CADM1: variants seen among roughly 807,000 people sequenced by gnomAD.
The protein encoded by CADM1 is cell adhesion molecule 1, also known as TSLC-1.
A neutral mutation model predicts 53.1 loss-of-function variants in CADM1; 15 were observed. The ratio of observed to expected loss-of-function variants is 0.28; its 90% CI spans 0.19 to 0.44. The LOEUF (loss-of-function observed/expected upper bound fraction) is 0.44, where lower values mean the gene tolerates loss of function less well. Among genes scored for constraint, CADM1 ranks in the 20% least tolerant of loss-of-function variants. The probability of loss-of-function intolerance (pLI) is 1.00; values close to 1 mark genes in which losing one functional copy is unlikely to be tolerated. For missense variants in CADM1, 434 were observed against 611.3 expected, an observed-to-expected ratio of 0.71 and a Z score of 3.06; for synonymous variants, 281 against 243.0, an observed-to-expected ratio of 1.16 and a Z score of -1.45.
At chr11:115,228,805 C>G (rs1941709683) in intron 5 of CADM1, among the ~76,000 whole-genome samples, 1 of 152,006 alleles carries the variant, frequency 6.6e-6, no homozygotes, top group Admixed American at 6.6e-5. Context: ...GGGAAAATTA[C>G]CCTAGATTTT....
At chr11:115,268,532 T>TA (rs1670215174) in intron 1 of CADM1, among the ~76,000 whole-genome samples, 8 of 152,136 alleles carry the variant, frequency 5.3e-5, no homozygotes, top group African/African-American at 1.7e-4. Flanking sequence ...CTGTGCTCAA[T>TA]AAAAAAAGCC....
intron 1 of CADM1, among the ~76,000 whole-genome samples, chr11:115,324,908 A>G (rs1944921358): frequency 6.6e-6 from 1 of 152,270 alleles, no homozygotes; most frequent in South Asian, 2.1e-4. Flanking sequence ...GGTATTGGCA[A>G]GCTCTAGATT....
At chr11:115,319,525 G>A (rs1039320479) in intron 1 of CADM1, among the ~76,000 whole-genome samples, 4 of 152,102 alleles carry the variant, frequency 2.6e-5, no homozygotes, top group African/African-American at 9.7e-5. Context: ...TTTGCAGGTA[G>A]AATTATATTC....
chr11:115,268,810 G>C (rs1188058365), intron 1 of CADM1, among the ~76,000 whole-genome samples: 1 of 152,168 alleles, frequency 6.6e-6, no homozygotes, highest in African/African-American at 2.4e-5. Flanking sequence ...CAGTGATAAG[G>C]TTGGGCATTC....
intron 1 of CADM1, among the ~76,000 whole-genome samples, chr11:115,348,195 C>T (rs896992990): frequency 2.6e-5 from 4 of 152,158 alleles, no homozygotes; most frequent in African/African-American, 7.2e-5. Flanking sequence ...AAGCCACACA[C>T]ATGGGTTACT....
At chr11:115,486,255 C>T (rs1195198904) in intron 1 of CADM1, among the ~76,000 whole-genome samples, 1 of 152,216 alleles carries the variant, frequency 6.6e-6, no homozygotes, top group Non-Finnish European at 1.5e-5. Flanking sequence ...AATTTCTTAT[C>T]ATTGCAGGAT....
chr11:115,217,749 C>T (rs776051937), intron 6 of CADM1, 143 bp downstream of exon 6: 35 of 706,472 alleles, frequency 5.0e-5, no homozygotes, highest in Non-Finnish European at 7.9e-5. Context: ...TCCACTCTCA[C>T]TGAATATTCT....
chr11:115,235,614 C>T (rs926962190), intron 3 of CADM1, among the ~76,000 whole-genome samples: 31 of 152,268 alleles, frequency 2.0e-4, no homozygotes, highest in African/African-American at 7.2e-4. Context: ...AACATTACGC[C>T]TACAACATTT....
chr11:115,208,570 G>A (rs922475135), intron 8 of CADM1, among the ~76,000 whole-genome samples: 2 of 152,134 alleles, frequency 1.3e-5, no homozygotes, highest in African/African-American at 2.4e-5. Context: ...CAGGGCACAC[G>A]GTTCAGATAC....
intron 1 of CADM1, among the ~76,000 whole-genome samples, chr11:115,252,060 T>A (rs980117053): frequency 1.3e-5 from 2 of 152,116 alleles, no homozygotes; most frequent in Non-Finnish European, 2.9e-5. Context: ...GAGAAGAACA[T>A]TACCTATGAC....
At chr11:115,222,198 C>A (rs1053241681) in intron 5 of CADM1, among the ~76,000 whole-genome samples, 3 of 152,064 alleles carry the variant, frequency 2.0e-5, no homozygotes, top group Non-Finnish European at 4.4e-5. Flanking sequence ...CTGGGTCAGC[C>A]CCTGTGCATT....
chr11:115,290,998 C>T (rs1943883663), intron 1 of CADM1, among the ~76,000 whole-genome samples: 1 of 152,178 alleles, frequency 6.6e-6, no homozygotes, highest in Admixed American at 6.5e-5. Flanking sequence ...CTCTATACTG[C>T]TCCCCACTCC....
intron 1 of CADM1, among the ~76,000 whole-genome samples, chr11:115,308,293 AAC>A (rs1038850217): frequency 6.6e-6 from 1 of 151,350 alleles, no homozygotes; most frequent in Admixed American, 6.6e-5. Context: ...TCTGGAGCAA[AAC>A]ACTCCACTGT....
In CADM1 at chr11:115,198,888, G is replaced by A. The variant is rs796580744; in HGVS notation, c.1079-450C>T. Among the ~76,000 whole-genome samples the A allele has an allele frequency of 1.2e-4, 18 of 152,238 alleles. 1 individual carries two copies. Among genetic ancestry groups the A allele is most frequent in the African/African-American group, 4.3e-4 (18 of 41,536 alleles). ...CCTTTGTTTTAACCCAACCCACCCG[G>A]GCACTTGGGCTTCTTGACTGCCAAT... On this transcript the variant is annotated intron_variant, in intron 8 of 11. Coordinates refer to ENST00000331581, the MANE Select transcript of CADM1 (RefSeq NM_001301043.2).
rs1948048542 is a variant in CADM1 at position 115,431,457 on chromosome 11, C to T, written c.124+72814G>A. Among the ~76,000 whole-genome samples, 3 of 152,144 alleles carry T rather than the reference C, an allele frequency of 2.0e-5. No individual in the cohort carries two copies. In the South Asian group the frequency reaches 6.2e-4, roughly 32 times the overall value. On this transcript the variant is annotated intron_variant, in intron 1 of 11. Coordinates refer to ENST00000331581, the MANE Select transcript of CADM1 (RefSeq NM_001301043.2). ...TTGTACCTGTCTGCAGCCACTCAAGCCCCTCTACAAGGTAACCACAGTGAT... is the reference window on the plus strand; with the variant it reads ...TTGTACCTGTCTGCAGCCACTCAAGTCCCTCTACAAGGTAACCACAGTGAT...
At chr11:115,332,369 G>C (rs1378167326) in intron 1 of CADM1, among the ~76,000 whole-genome samples, 4 of 152,174 alleles carry the variant, frequency 2.6e-5, no homozygotes. Context: ...GGTGTGGCAT[G>C]TGTGTGCACA....
chr11:115,268,413 A>G (rs946683998), intron 1 of CADM1, among the ~76,000 whole-genome samples: 5 of 152,240 alleles, frequency 3.3e-5, no homozygotes, highest in Admixed American at 2.0e-4. Flanking sequence ...GAAAAAACCA[A>G]TCCTCACCAC....
chr11:115,242,174 C>A (rs974850600), intron 1 of CADM1, among the ~76,000 whole-genome samples: 2 of 151,804 alleles, frequency 1.3e-5, no homozygotes, highest in African/African-American at 2.4e-5. Flanking sequence ...CAAAATGAAA[C>A]CCAACCTCGA....
At chr11:115,263,889 G>A (rs572529308) in intron 1 of CADM1, among the ~76,000 whole-genome samples, 1 of 152,270 alleles carries the variant, frequency 6.6e-6, no homozygotes, top group East Asian at 1.9e-4. Context: ...TTCAAAATAA[G>A]AACAACGATA....
Sources: gnomAD v4.1 joint callset for allele counts (sites outside exome capture counted in the v4.1 genomes callset) on GRCh38, gnomAD v4.1.1 for gene constraint, MANE v1.5 for transcripts, NCBI Gene and HGNC (gene_info 2026-07-23, HGNC 2026-07-21) for gene names.